BRAF: variants seen among roughly 807,000 people sequenced by gnomAD.
BRAF encodes the protein B-Raf proto-oncogene, serine/threonine kinase, also known as serine/threonine-protein kinase B-raf.
In BRAF, 16 loss-of-function variants were observed where a neutral mutation model predicts 104.6. The observed-to-expected ratio is 0.15, with a 90% confidence interval of 0.10 to 0.23. BRAF has a LOEUF of 0.23. BRAF is among the 10% of genes least tolerant of loss of function. The pLI, the probability that BRAF is intolerant of heterozygous loss-of-function variation, is 1.00. For synonymous variants in BRAF, 310 were observed against 341.6 expected, an observed-to-expected ratio of 0.91 and a Z score of 1.02; for missense variants, 541 against 937.3, an observed-to-expected ratio of 0.58 and a Z score of 5.52.
intron 16 of BRAF, among the ~76,000 whole-genome samples, chr7:140,749,717 A>G (rs1197040726): frequency 7.2e-5 from 11 of 152,176 alleles, no homozygotes; most frequent in African/African-American, 2.7e-4. Flanking sequence ...AATTCTTCCC[A>G]TGACTTACCC....
At chr7:140,880,822 T>C (rs75725331) in intron 1 of BRAF, among the ~76,000 whole-genome samples, 6 of 147,102 alleles carry the variant, frequency 4.1e-5, no homozygotes, top group Non-Finnish European at 8.9e-5. Flanking sequence ...AAAAAAAAAT[T>C]AGCTGGGCAT....
At chr7:140,834,205 G>A in intron 3 of BRAF, 1 of 256,234 alleles carries the variant, frequency 3.9e-6, no homozygotes, top group Non-Finnish European at 7.5e-6. Flanking sequence ...TAGATGAGGG[G>A]AAACATATCA....
rs375696527 is a variant in BRAF at position 140,834,586 on chromosome 7, T to C, written c.504+23A>G. The C allele has an allele frequency of 1.9e-4, 308 of 1,613,434 alleles. 1 individual carries two copies. The highest frequency in any genetic ancestry group is 2.4e-4 in the Non-Finnish European group (288 of 1,179,566). On this transcript the variant is annotated intron_variant, in intron 3 of 19. Coordinates refer to ENST00000644969, the MANE Select transcript of BRAF (RefSeq NM_001374258.1). ...TGAAAAATACAAAGAAACAGCAAAA[T>C]GGTGATATTAAAACTGACTCACCAC...
chr7:140,892,270 A>C (rs1315194814), intron 1 of BRAF, among the ~76,000 whole-genome samples: 2 of 152,178 alleles, frequency 1.3e-5, no homozygotes, highest in Admixed American at 1.3e-4. Context: ...AAAAAAAATA[A>C]ATCAACAAAG....
At chr7:140,818,890 A>G (rs1240980194) in intron 3 of BRAF, among the ~76,000 whole-genome samples, 1 of 152,174 alleles carries the variant, frequency 6.6e-6, no homozygotes, top group Non-Finnish European at 1.5e-5. Flanking sequence ...CAGCTTACCT[A>G]TCTTACGTAG....
At chr7:140,867,059 T>C (rs571060835) in intron 1 of BRAF, among the ~76,000 whole-genome samples, 1 of 152,342 alleles carries the variant, frequency 6.6e-6, no homozygotes, top group South Asian at 2.1e-4. Context: ...CCCTGTGCCA[T>C]ATACTCCAAT....
At chr7:140,781,328 A>G in intron 12 of BRAF, 2 of 506,090 alleles carry the variant, frequency 4.0e-6, no homozygotes, top group African/African-American at 1.9e-5. Flanking sequence ...TTTGAGGACT[A>G]GTTAACCTGG....
chr7:140,803,123 A>G (rs924969039), intron 5 of BRAF, among the ~76,000 whole-genome samples: 1 of 152,272 alleles, frequency 6.6e-6, no homozygotes, highest in Non-Finnish European at 1.5e-5. Context: ...AGGCTCTACC[A>G]TATAGCCTAG....
chr7:140,854,318 T>A lies in BRAF; in HGVS notation c.139-4106A>T, dbSNP rs887200416. On this transcript the variant is annotated intron_variant, in intron 1 of 19. Transcript: ENST00000644969. The stretch of plus-strand genomic sequence containing the variant: ...ATTAGCTACTTTAAGATCAGAAACA[T>A]TTTCTTTTTTTGTCCCCTCATGATT... Among the ~76,000 whole-genome samples the A allele has an allele frequency of 2.6e-5, 4 of 152,212 alleles. 1 individual carries two copies. Among genetic ancestry groups the A allele is most frequent in the Admixed American group, 1.3e-4 (2 of 15,284 alleles).
At chr7:140,909,809 AAACAACAACAACAAC>A (rs142186028) in intron 1 of BRAF, among the ~76,000 whole-genome samples, 266 of 148,782 alleles carry the variant, frequency 1.8e-3, no homozygotes, top group Non-Finnish European at 3.1e-3. Flanking sequence ...CTCCGTCTCA[AAACAACAACAACAAC>A]AACAACAACA....
At chr7:140,770,373 A>C (rs1799720202) in intron 14 of BRAF, among the ~76,000 whole-genome samples, 1 of 152,122 alleles carries the variant, frequency 6.6e-6, no homozygotes, top group African/African-American at 2.4e-5. Flanking sequence ...TTTATCTCCA[A>C]ATTATTTTTA....
intron 1 of BRAF, among the ~76,000 whole-genome samples, chr7:140,893,889 A>G (rs1399577904): frequency 1.3e-5 from 2 of 152,082 alleles, no homozygotes; most frequent in African/African-American, 4.8e-5. Flanking sequence ...GCAGTGGCTC[A>G]CTCCTGTAAT....
intron 2 of BRAF, chr7:140,835,274 G>A (rs974432682): frequency 1.1e-5 from 2 of 189,192 alleles, no homozygotes; most frequent in Admixed American, 5.4e-5. Context: ...AAAGTTGTAG[G>A]CATATGAATT....
chr7:140,874,394 G>T (rs1212214588), intron 1 of BRAF, among the ~76,000 whole-genome samples: 2 of 151,674 alleles, frequency 1.3e-5, no homozygotes, highest in Admixed American at 6.6e-5. Flanking sequence ...TAGAGACGGG[G>T]TTTCATCACG....
At chr7:140,786,228 G>A (rs1801338449) in intron 9 of BRAF, among the ~76,000 whole-genome samples, 1 of 152,174 alleles carries the variant, frequency 6.6e-6, no homozygotes, top group Non-Finnish European at 1.5e-5. Context: ...TCAATACCAA[G>A]TCCAGAGTAT....
rs1795461349 is a variant in BRAF, at chr7:140,724,076, T to C, written c.*2418A>G. On this transcript the variant is annotated 3_prime_UTR_variant, in exon 20 of 20. Transcript: ENST00000644969. ...CTCCTGGGCACAGCTTCATTTGAGA[T>C]CAAGTCTGCTCCCCCGTTCAAATGA... is the stretch of plus-strand genomic sequence containing the variant. The C allele has an allele frequency of 9.5e-7, 1 of 1,047,964 alleles. No homozygotes were observed. Among genetic ancestry groups the C allele is most frequent in the African/African-American group, 1.7e-5 (1 of 60,044 alleles). 64.9% of individuals were successfully genotyped at this position (1,047,964 alleles called of 1,614,324 possible). A position where few individuals can be genotyped will look rare whatever the true frequency, so the allele number is the denominator to read the frequency against.
At chr7:140,821,779 A>G (rs534115021) in intron 3 of BRAF, among the ~76,000 whole-genome samples, 3 of 152,302 alleles carry the variant, frequency 2.0e-5, no homozygotes, top group African/African-American at 7.2e-5. Flanking sequence ...AAAAAACCAC[A>G]TATTTAACAC....
chr7:140,754,302 T>C, intron 14 of BRAF, 69 bp from the exon 14 acceptor site: 3 of 1,355,206 alleles, frequency 2.2e-6, no homozygotes, highest in South Asian at 1.2e-5. Flanking sequence ...CTACAGAACA[T>C]ACTTGGGGGT....
intron 1 of BRAF, among the ~76,000 whole-genome samples, chr7:140,852,390 CAA>C (rs58493064): frequency 2.2e-5 from 2 of 89,520 alleles, no homozygotes; most frequent in Non-Finnish European, 2.5e-5. Context: ...CACAACCTGC[CAA>C]AAAAAAAAAA....
Sources: allele counts gnomAD v4.1 joint callset (sites outside exome capture counted in the v4.1 genomes callset), GRCh38; gene constraint gnomAD v4.1.1; transcripts MANE v1.5; gene names NCBI Gene and HGNC (gene_info 2026-07-23, HGNC 2026-07-21).